PAK5: variants seen among roughly 807,000 people sequenced by gnomAD.
PAK5 encodes the protein p21 (RAC1) activated kinase 5, also known as serine/threonine-protein kinase PAK 5.
A neutral mutation model predicts 65.9 loss-of-function variants in PAK5; 16 were observed. The observed-to-expected ratio is 0.24, with a 90% confidence interval of 0.16 to 0.37. PAK5 has a LOEUF of 0.37. Among genes scored for constraint, PAK5 ranks in the 10% least tolerant of loss-of-function variants. The pLI is 1.00. For synonymous variants in PAK5, 371 were observed against 354.9 expected, an observed-to-expected ratio of 1.05 and a Z score of -0.51; for missense variants, 785 against 903.9, an observed-to-expected ratio of 0.87 and a Z score of 1.69.
rs1858303459 is a variant in PAK5, at chr20:9,553,635, C to T, written c.1743+3973G>A. Among the ~76,000 whole-genome samples the T allele has an allele frequency of 2.6e-5, 4 of 151,948 alleles. No individual in the cohort carries two copies. In the South Asian group the frequency reaches 8.3e-4, roughly 31 times the overall value. On this transcript the variant is annotated intron_variant, in intron 7 of 9. Transcript: ENST00000353224. ...CTTTTGAGATTGGTGTTTTCTCACT[C>T]AGTATAACTTCCCTGAGGTTCACCC...
At position 9,699,152 on chromosome 20, in the gene PAK5, CT is replaced by C. The variant is rs562493481; in HGVS notation, c.-12+12133del. ...CTTGCTGTCTTTTGTGTCCTATCAG[CT>C]GCAATAAGCCACCACTATTTACAGG... On this transcript the variant is annotated intron_variant, in intron 2 of 9. Coordinates refer to ENST00000353224, the MANE Select transcript of PAK5 (RefSeq NM_177990.4). Among the ~76,000 whole-genome samples the C allele has an allele frequency of 4.6e-5, 7 of 152,256 alleles. 1 individual carries two copies. The South Asian group carries it at 1.5e-3, about 32-fold the overall frequency.
chr20:9,574,310 T>A (rs2045846275), intron 4 of PAK5, among the ~76,000 whole-genome samples: 1 of 152,192 alleles, frequency 6.6e-6, no homozygotes, highest in South Asian at 2.1e-4. Flanking sequence ...ATCTGAGATG[T>A]GCAGGGTCAG....
intron 2 of PAK5, among the ~76,000 whole-genome samples, chr20:9,675,567 T>A (rs2047558926): frequency 6.6e-6 from 1 of 152,188 alleles, no homozygotes; most frequent in Non-Finnish European, 1.5e-5. Context: ...GGTCTTGAGC[T>A]CCCAGGCTCA....
At chr20:9,584,753 AGTTT>A (rs907667530) in intron 3 of PAK5, among the ~76,000 whole-genome samples, 7 of 152,234 alleles carry the variant, frequency 4.6e-5, no homozygotes, top group Non-Finnish European at 1.0e-4. Flanking sequence ...AAACAGAAAC[AGTTT>A]GTTTGTATCA....
chr20:9,627,605 A>G (rs12106249), intron 3 of PAK5, among the ~76,000 whole-genome samples: 2,635 of 152,130 alleles, frequency 0.017, 74 homozygotes, highest in African/African-American at 0.059. Context: ...GTATTTTTCC[A>G]TTCAATGTTT....
At position 9,782,074 on chromosome 20, in the gene PAK5, C is replaced by T. The variant is rs114666995; in HGVS notation, c.-162+56688G>A. On this transcript the variant is annotated intron_variant, in intron 1 of 9. Transcript: ENST00000353224. The stretch of plus-strand genomic sequence containing the variant: ...TGATCTACTCCCCACCTCCCTTTCT[C>T]TCTCTGACATTGTCTCTATTACCTC... Among the ~76,000 whole-genome samples the T allele has an allele frequency of 8.4e-3, 1,278 of 152,264 alleles. 21 individuals carry two copies. The highest frequency in any genetic ancestry group is 0.029 in the African/African-American group (1,215 of 41,544).
intron 1 of PAK5, among the ~76,000 whole-genome samples, chr20:9,810,242 C>T (rs1416909757): frequency 6.6e-6 from 1 of 152,124 alleles, no homozygotes; most frequent in Non-Finnish European, 1.5e-5. Flanking sequence ...CCCCAGCATG[C>T]GCTTTTAGGA....
intron 2 of PAK5, among the ~76,000 whole-genome samples, chr20:9,652,741 A>G (rs1243788930): frequency 6.6e-6 from 1 of 152,178 alleles, no homozygotes; most frequent in Non-Finnish European, 1.5e-5. Flanking sequence ...AAACAGCTGT[A>G]ACCCCTTTTC....
At position 9,790,497 on chromosome 20, in the gene PAK5, G is replaced by T. The variant is rs141145042; in HGVS notation, c.-162+48265C>A. Among the ~76,000 whole-genome samples the T allele has an allele frequency of 3.2e-4, 49 of 152,096 alleles. 1 individual carries two copies. In the East Asian group the frequency reaches 9.5e-3, roughly 30 times the overall value. On this transcript the variant is annotated intron_variant, in intron 1 of 9. Coordinates refer to ENST00000353224, the MANE Select transcript of PAK5 (RefSeq NM_177990.4). ...CTCTTAAAAAAAGCCAACTTATAAAGAGTTGAATTTGATTTTTATTATTTT... is the reference window on the plus strand; with the variant it reads ...CTCTTAAAAAAAGCCAACTTATAAATAGTTGAATTTGATTTTTATTATTTT...
chr20:9,747,901 T>C (rs1162055534), intron 1 of PAK5, among the ~76,000 whole-genome samples: 1 of 151,820 alleles, frequency 6.6e-6, no homozygotes, highest in Non-Finnish European at 1.5e-5. Context: ...AAATTGTCCC[T>C]GTTTGCAGAT....
At chr20:9,737,066 T>C (rs182298318) in intron 1 of PAK5, among the ~76,000 whole-genome samples, 22 of 151,676 alleles carry the variant, frequency 1.5e-4, no homozygotes, top group African/African-American at 4.8e-4. Context: ...TATTACAACA[T>C]TGAAAGTGAA....
At chr20:9,579,150 T>C (rs558138466) in intron 4 of PAK5, among the ~76,000 whole-genome samples, 18 of 152,338 alleles carry the variant, frequency 1.2e-4, no homozygotes, top group African/African-American at 4.1e-4. Flanking sequence ...CAGAGTTTTC[T>C]GTGCTGCTCA....
At chr20:9,688,369 C>T (rs901079295) in intron 2 of PAK5, among the ~76,000 whole-genome samples, 42 of 151,992 alleles carry the variant, frequency 2.8e-4, no homozygotes, top group Non-Finnish European at 1.3e-4. Flanking sequence ...TAAACTCGAG[C>T]GGCTTCTTCA....
At chr20:9,545,370 A>G (rs2045328824) in intron 7 of PAK5, among the ~76,000 whole-genome samples, 1 of 152,218 alleles carries the variant, frequency 6.6e-6, no homozygotes, top group African/African-American at 2.4e-5. Context: ...TCTAGTCATG[A>G]TGACCTGGTC....
At chr20:9,610,917 A>G (rs1600138701) in intron 3 of PAK5, among the ~76,000 whole-genome samples, 1 of 152,338 alleles carries the variant, frequency 6.6e-6, no homozygotes, top group South Asian at 2.1e-4. Context: ...TTCTGCCACG[A>G]GAGGACATGG....
At chr20:9,707,991 G>C (rs1232164182) in intron 2 of PAK5, among the ~76,000 whole-genome samples, 2 of 152,196 alleles carry the variant, frequency 1.3e-5, no homozygotes, top group African/African-American at 4.8e-5. Context: ...AGCAACAAGT[G>C]ATACTCTTTT....
At chr20:9,786,924 A>C (rs544762909) in intron 1 of PAK5, among the ~76,000 whole-genome samples, 81 of 152,262 alleles carry the variant, frequency 5.3e-4, no homozygotes, top group African/African-American at 1.9e-3. Context: ...TTTAAACTGC[A>C]TTGCACTGTG....
intron 2 of PAK5, among the ~76,000 whole-genome samples, chr20:9,653,420 C>G (rs1429590267): frequency 6.6e-6 from 1 of 152,208 alleles, no homozygotes. Flanking sequence ...CAAAGCTCCT[C>G]TTGGATTATT....
At chr20:9,793,603 T>C (rs575955815) in intron 1 of PAK5, among the ~76,000 whole-genome samples, 9 of 152,000 alleles carry the variant, frequency 5.9e-5, no homozygotes, top group Non-Finnish European at 1.0e-4. Flanking sequence ...GATCATTAGA[T>C]AAATGCAAAT....
Sources: gnomAD v4.1 joint callset for allele counts (sites outside exome capture counted in the v4.1 genomes callset) on GRCh38, gnomAD v4.1.1 for gene constraint, MANE v1.5 for transcripts, NCBI Gene and HGNC (gene_info 2026-07-23, HGNC 2026-07-21) for gene names.